Variants in ANKH observed in about 807,000 individuals in gnomAD.
ANKH encodes ANKH inorganic pyrophosphate transport regulator, also known as mineralization regulator ANKH.
In ANKH, 15 loss-of-function variants were observed where a neutral mutation model predicts 49.0. The observed-to-expected ratio is 0.31, with a 90% CI of 0.20 to 0.47. ANKH has a LOEUF of 0.47. Ranked by LOEUF, ANKH falls within the 20% of genes least tolerant of loss-of-function variation. ANKH has a pLI of 1.00. For missense variants in ANKH, 429 were observed against 652.0 expected (o/e 0.66, Z 3.72); for synonymous variants, 273 against 260.0 (o/e 1.05, Z -0.48).
At chr5:14,819,633 A>G (rs955901242) in intron 1 of ANKH, among the ~76,000 whole-genome samples, 3 of 152,178 alleles carry the variant, frequency 2.0e-5, no homozygotes, top group Non-Finnish European at 4.4e-5. Context: ...TGGGAGGCCA[A>G]GAACGGCAGA....
At chr5:14,736,006 CTTTTTTTTTTT>C (rs540010631) in intron 8 of ANKH, among the ~76,000 whole-genome samples, 228 of 83,670 alleles carry the variant, frequency 2.7e-3, no homozygotes, top group East Asian at 0.018. Context: ...AAAAACCTAA[CTTTTTTTTTTT>C]TTTTTTTTTT....
chr5:14,819,142 A>G (rs1741127479), intron 1 of ANKH, among the ~76,000 whole-genome samples: 1 of 152,172 alleles, frequency 6.6e-6, no homozygotes, highest in Non-Finnish European at 1.5e-5. Flanking sequence ...GTCCAGAAAG[A>G]GCTGATGTCT....
intron 1 of ANKH, among the ~76,000 whole-genome samples, chr5:14,769,613 A>G (rs1003267833): frequency 5.3e-5 from 7 of 131,070 alleles, no homozygotes; most frequent in Middle Eastern, 7.5e-3. Context: ...TTTTTTCTTT[A>G]AAGAAGGGGT....
chr5:14,712,863 G>T lies in ANKH; in HGVS notation c.1365+11C>A. 1 of 1,598,340 alleles carries T rather than the reference G, an allele frequency of 6.3e-7. No individual in the cohort carries two copies. Among genetic ancestry groups the T allele is most frequent in the Non-Finnish European group, 8.5e-7 (1 of 1,172,840 alleles). ...GCACCCGGGAGGAGGCTCCCGGCGC[G>T]GCTGTCTCACCTGCTTCCGGTAGAC... On this transcript the variant is annotated intron_variant, in intron 11 of 11. Transcript: ENST00000284268.
chr5:14,724,658 C>T, intron 8 of ANKH: 1 of 826,838 alleles, frequency 1.2e-6, no homozygotes, highest in Non-Finnish European at 1.5e-6. Context: ...GTGGGCCATG[C>T]ATGGTCCCCG....
chr5:14,842,012 T>C (rs1741828694), intron 1 of ANKH, among the ~76,000 whole-genome samples: 2 of 152,132 alleles, frequency 1.3e-5, no homozygotes. Context: ...ATTCGTTCTT[T>C]ACAAAGGGAT....
At chr5:14,783,398 G>T (rs895158122) in intron 1 of ANKH, among the ~76,000 whole-genome samples, 1 of 151,906 alleles carries the variant, frequency 6.6e-6, no homozygotes, top group Non-Finnish European at 1.5e-5. Context: ...TGACAAGGCT[G>T]TCTTCAGCAT....
Position 14,716,767 on chromosome 5 carries a change from G to C in ANKH, c.1080C>G (p.Asp360Glu), listed in dbSNP as rs758021005. ...CAACACAGAGTTCTGCAAAGGCAAA[G>C]TCCACTCCGATGATGTCTATCAAGA... ...EKILIDIIGV[D>E]FAFAELCVVP... Residue 360 changes from aspartate (D) to glutamate (E), a missense_variant, in exon 9 of 12, where the codon GAC becomes GAG. Coordinates refer to ENST00000284268, the MANE Select transcript of ANKH (RefSeq NM_054027.6). The C allele has an allele frequency of 2.5e-6, 4 of 1,614,180 alleles. No individual in the cohort carries two copies. Among genetic ancestry groups the C allele is most frequent in the Non-Finnish European group, 1.7e-6 (2 of 1,179,978 alleles).
chr5:14,792,204 A>G (rs1405296193), intron 1 of ANKH, among the ~76,000 whole-genome samples: 1 of 152,170 alleles, frequency 6.6e-6, no homozygotes, highest in Non-Finnish European at 1.5e-5. Context: ...TCAGGTGTCT[A>G]GAGTCGAGTC....
intron 9 of ANKH, 54 bp downstream of exon 9, chr5:14,716,652 T>G: frequency 5.0e-6 from 8 of 1,609,662 alleles, no homozygotes; most frequent in Non-Finnish European, 6.8e-6. Flanking sequence ...AAAGAAAGAT[T>G]TAATTAGGCA....
chr5:14,718,416 AAGAG>A (rs555285598), intron 8 of ANKH, among the ~76,000 whole-genome samples: 2 of 152,140 alleles, frequency 1.3e-5, no homozygotes, highest in East Asian at 1.9e-4. Context: ...ATAATACAGA[AAGAG>A]AGAAGGGAAA....
At chr5:14,847,723 C>A (rs1742005775) in intron 1 of ANKH, among the ~76,000 whole-genome samples, 2 of 152,226 alleles carry the variant, frequency 1.3e-5, no homozygotes, top group African/African-American at 4.8e-5. Flanking sequence ...CTCTGACAAT[C>A]TTAGGATAAA....
rs1737014686 is a variant in ANKH at position 14,708,194 on chromosome 5, C to T, written c.*3003G>A. The T allele has an allele frequency of 1.3e-5, 2 of 152,244 alleles. No homozygotes were observed. The highest frequency in any genetic ancestry group is 4.1e-4 in the South Asian group (2 of 4,832). 9.4% of individuals were successfully genotyped at this position (152,244 alleles called of 1,614,324 possible). On this transcript the variant is annotated 3_prime_UTR_variant, in exon 12 of 12. Coordinates refer to ENST00000284268, the MANE Select transcript of ANKH (RefSeq NM_054027.6). ...GATGACGTCCCTTGTGCTACTCAAACAGGCCACCAAAGGAGGAGCTCTAGA... is the reference window on the plus strand; with the variant it reads ...GATGACGTCCCTTGTGCTACTCAAATAGGCCACCAAAGGAGGAGCTCTAGA...
chr5:14,814,462 G>A (rs1031603477), intron 1 of ANKH, among the ~76,000 whole-genome samples: 6 of 151,970 alleles, frequency 3.9e-5, no homozygotes, highest in East Asian at 1.9e-4. Context: ...TTTAATTAGC[G>A]ATGCATGGTG....
chr5:14,864,205 T>G (rs1295879793), intron 1 of ANKH, among the ~76,000 whole-genome samples: 3 of 152,190 alleles, frequency 2.0e-5, no homozygotes, highest in Admixed American at 1.3e-4. Flanking sequence ...ACAGTGAGAC[T>G]TGTCTCAAAA....
At chr5:14,846,270 G>C (rs1741957765) in intron 1 of ANKH, among the ~76,000 whole-genome samples, 4 of 152,176 alleles carry the variant, frequency 2.6e-5, no homozygotes, top group Admixed American at 2.6e-4. Context: ...ATTAAAGACT[G>C]TTACCTAAGT....
chr5:14,774,491 G>A (rs1462047641), intron 1 of ANKH, among the ~76,000 whole-genome samples: 2 of 152,070 alleles, frequency 1.3e-5, no homozygotes, highest in Non-Finnish European at 2.9e-5. Flanking sequence ...AGTCTGGAGT[G>A]CAGTGGCATG....
At chr5:14,827,414 A>G (rs1009572690) in intron 1 of ANKH, among the ~76,000 whole-genome samples, 7 of 152,340 alleles carry the variant, frequency 4.6e-5, no homozygotes, top group South Asian at 4.1e-4. Context: ...CCTAGAGTCC[A>G]TATTCTCAGC....
chr5:14,785,591 C>G (rs1200614579), intron 1 of ANKH, among the ~76,000 whole-genome samples: 1 of 152,130 alleles, frequency 6.6e-6, no homozygotes, highest in Non-Finnish European at 1.5e-5. Flanking sequence ...TATAAGTTAT[C>G]CAGTCTCAGG....
Sources: gnomAD v4.1 joint callset for allele counts (sites outside exome capture counted in the v4.1 genomes callset) on GRCh38, gnomAD v4.1.1 for gene constraint, MANE v1.5 for transcripts, NCBI Gene and HGNC (gene_info 2026-07-23, HGNC 2026-07-21) for gene names.